Variants in CDK14 observed in about 807,000 individuals in gnomAD.
CDK14 encodes the protein cyclin dependent kinase 14.
A neutral mutation model predicts 60.7 loss-of-function variants in CDK14; 34 were observed. The observed-to-expected ratio is 0.56, with a 90% CI of 0.43 to 0.75. The LOEUF (loss-of-function observed/expected upper bound fraction) is 0.75. Among genes scored for constraint, CDK14 ranks in the 30% least tolerant of loss-of-function variants. The pLI is 0.00. For synonymous variants in CDK14, 197 were observed against 203.7 expected (o/e 0.97, Z 0.28); for missense variants, 482 against 564.1 (o/e 0.85, Z 1.47).
At chr7:90,978,179 G>A (rs1381197710) in intron 9 of CDK14, among the ~76,000 whole-genome samples, 2 of 150,930 alleles carry the variant, frequency 1.3e-5, no homozygotes, top group Non-Finnish European at 3.0e-5. Context: ...TTTTAGGAGA[G>A]GACAGTGGAA....
intron 6 of CDK14, among the ~76,000 whole-genome samples, chr7:90,892,222 G>A (rs576829577): frequency 1.3e-5 from 2 of 151,850 alleles, no homozygotes; most frequent in South Asian, 2.1e-4. Flanking sequence ...ATGCAAAGGT[G>A]AGTGTTGTTT....
chr7:91,008,723 G>A (rs1439554199), intron 10 of CDK14, among the ~76,000 whole-genome samples: 1 of 152,064 alleles, frequency 6.6e-6, no homozygotes, highest in South Asian at 2.1e-4. Context: ...AGGCTTAAGG[G>A]TTTTATATTT....
chr7:90,628,035 G>T (rs1241007504), intron 2 of CDK14, among the ~76,000 whole-genome samples: 2 of 152,102 alleles, frequency 1.3e-5, no homozygotes, highest in Non-Finnish European at 1.5e-5. Flanking sequence ...GCTCACTACG[G>T]CCTTGACCTC....
At chr7:91,147,935 C>T (rs1800708355) in intron 14 of CDK14, among the ~76,000 whole-genome samples, 1 of 152,110 alleles carries the variant, frequency 6.6e-6, no homozygotes, top group Non-Finnish European at 1.5e-5. Flanking sequence ...TAAAAAGAGA[C>T]CTTGGGTTAA....
At chr7:90,778,501 A>G (rs1805146411) in intron 4 of CDK14, among the ~76,000 whole-genome samples, 1 of 152,258 alleles carries the variant, frequency 6.6e-6, no homozygotes, top group East Asian at 1.9e-4. Flanking sequence ...GGAATTCTCC[A>G]CACCATAGCG....
chr7:90,750,153 A>AACACACACAC (rs3138824), intron 4 of CDK14, among the ~76,000 whole-genome samples: 117 of 131,404 alleles, frequency 8.9e-4, no homozygotes, highest in African/African-American at 3.3e-3. Flanking sequence ...GGGGAAAGAA[A>AACACACACAC]ACACACACAC....
intron 2 of CDK14, among the ~76,000 whole-genome samples, chr7:90,696,149 G>A (rs892843469): frequency 3.9e-5 from 6 of 152,130 alleles, no homozygotes; most frequent in African/African-American, 1.4e-4. Context: ...GGAGAGCCAA[G>A]GGAACTAGCT....
Position 90,783,598 on chromosome 7 carries a change from G to A in CDK14, c.465-6975G>A, listed in dbSNP as rs530262846. Reference sequence around the variant, plus strand: ...AAATCCCCCCAAACCCCTAAAGATCGATTAAAAAATGGGCAAAACATTTGA... The same window carrying A: ...AAATCCCCCCAAACCCCTAAAGATCAATTAAAAAATGGGCAAAACATTTGA... On this transcript the variant is annotated intron_variant, in intron 4 of 14. Coordinates refer to ENST00000380050, the MANE Select transcript of CDK14 (RefSeq NM_001287135.2). Among the ~76,000 whole-genome samples, 57 of 152,022 alleles carry A rather than the reference G, an allele frequency of 3.7e-4. 2 individuals are homozygous for A. The highest frequency in any genetic ancestry group is 1.3e-3 in the East Asian group (7 of 5,188).
At chr7:90,901,957 T>G (rs1792521062) in intron 7 of CDK14, among the ~76,000 whole-genome samples, 1 of 152,032 alleles carries the variant, frequency 6.6e-6, no homozygotes, top group African/African-American at 2.4e-5. Flanking sequence ...TTGTAGTATT[T>G]CTTCCCCAAT....
At chr7:91,147,160 T>TCTCTCTCTCTCTCTCA (rs1800672128) in intron 14 of CDK14, among the ~76,000 whole-genome samples, 1 of 107,680 alleles carries the variant, frequency 9.3e-6, no homozygotes, top group African/African-American at 3.6e-5. Flanking sequence ...TCTCTCTCTC[T>TCTCTCTCTCTCTCTCA]CTCACACACA....
At chr7:90,821,398 G>T (rs1789544170) in intron 5 of CDK14, among the ~76,000 whole-genome samples, 1 of 152,208 alleles carries the variant, frequency 6.6e-6, no homozygotes, top group African/African-American at 2.4e-5. Flanking sequence ...GCCCGACCAT[G>T]CTCTCCTGAG....
intron 3 of CDK14, among the ~76,000 whole-genome samples, chr7:90,729,052 T>C (rs1802746537): frequency 6.6e-6 from 1 of 151,782 alleles, no homozygotes; most frequent in Non-Finnish European, 1.5e-5. Flanking sequence ...TTTTTTTTCA[T>C]TCGGTATGAC....
chr7:91,189,588 T>C (rs1802294937), intron 14 of CDK14, among the ~76,000 whole-genome samples: 1 of 152,222 alleles, frequency 6.6e-6, no homozygotes, highest in Non-Finnish European at 1.5e-5. Context: ...GAAAGTGATA[T>C]TCATATGAGA....
intron 2 of CDK14, among the ~76,000 whole-genome samples, chr7:90,626,908 C>T (rs935179933): frequency 2.6e-5 from 4 of 151,486 alleles, no homozygotes; most frequent in Admixed American, 6.6e-5. Flanking sequence ...CATCGCACTC[C>T]AGTCTCGGTG....
At chr7:90,600,967 T>G (rs532100088) in intron 1 of CDK14, among the ~76,000 whole-genome samples, 1 of 152,340 alleles carries the variant, frequency 6.6e-6, no homozygotes, top group South Asian at 2.1e-4. Context: ...CTCAAGGATT[T>G]TAAGGGAAAA....
At chr7:91,196,812 G>T (rs10246606) in intron 14 of CDK14, among the ~76,000 whole-genome samples, 12,709 of 152,238 alleles carry the variant, frequency 0.083, 652 homozygotes, top group Admixed American at 0.15. Flanking sequence ...AAGATCCCTG[G>T]ACAGTCTGGA....
chr7:90,721,329 ACTT>A (rs1329924923), intron 2 of CDK14, among the ~76,000 whole-genome samples: 2 of 152,002 alleles, frequency 1.3e-5, no homozygotes, highest in Non-Finnish European at 2.9e-5. Context: ...TTATATTCAT[ACTT>A]CTTTTATATT....
At chr7:91,114,940 T>A (rs1399123230) in intron 13 of CDK14, among the ~76,000 whole-genome samples, 1 of 152,160 alleles carries the variant, frequency 6.6e-6, no homozygotes, top group Non-Finnish European at 1.5e-5. Flanking sequence ...ATTATCTAGG[T>A]TAGTATTCTG....
chr7:90,853,775 C>T (rs1584047518), intron 5 of CDK14, among the ~76,000 whole-genome samples: 1 of 152,062 alleles, frequency 6.6e-6, no homozygotes, highest in African/African-American at 2.4e-5. Context: ...GGGTTCCATC[C>T]TTATAAACTT....
Sources: gnomAD v4.1 joint callset for allele counts (sites outside exome capture counted in the v4.1 genomes callset) on GRCh38, gnomAD v4.1.1 for gene constraint, MANE v1.5 for transcripts, NCBI Gene and HGNC (gene_info 2026-07-23, HGNC 2026-07-21) for gene names.